The following MAGI2 variants were observed in gnomAD, a reference collection of about 807,000 sequenced individuals.
The protein encoded by MAGI2 is membrane-associated guanylate kinase, WW and PDZ domain-containing protein 2.
In MAGI2, 35 loss-of-function variants were observed where a neutral mutation model predicts 133.3. The ratio of observed to expected loss-of-function variants is 0.26; its 90% confidence interval spans 0.20 to 0.35. MAGI2 has a LOEUF of 0.35. Among genes scored for constraint, MAGI2 ranks in the 10% least tolerant of loss-of-function variants. The pLI is 1.00. For missense variants in MAGI2, 1,636 were observed against 1,863.4 expected (o/e 0.88, Z 2.25); for synonymous variants, 729 against 710.6 (o/e 1.03, Z -0.41).
chr7:78,313,108 T>C (rs1362251029), intron 9 of MAGI2, among the ~76,000 whole-genome samples: 1 of 152,014 alleles, frequency 6.6e-6, no homozygotes, highest in Non-Finnish European at 1.5e-5. Context: ...AGTCAAATAC[T>C]ACATGTTCTG....
intron 3 of MAGI2, among the ~76,000 whole-genome samples, chr7:78,582,319 G>T (rs1040636407): frequency 5.3e-5 from 8 of 152,156 alleles, no homozygotes; most frequent in Non-Finnish European, 1.2e-4. Flanking sequence ...AACATCTGTG[G>T]TTGAAAAACA....
chr7:78,778,085 AT>A (rs543159223), intron 2 of MAGI2, among the ~76,000 whole-genome samples: 3 of 152,282 alleles, frequency 2.0e-5, no homozygotes, highest in Admixed American at 2.0e-4. Flanking sequence ...CCCAGTTTTG[AT>A]TTCTGCAAGC....
At chr7:78,555,286 G>T (rs1214991371) in intron 3 of MAGI2, among the ~76,000 whole-genome samples, 1 of 151,980 alleles carries the variant, frequency 6.6e-6, no homozygotes, top group Non-Finnish European at 1.5e-5. Context: ...TCCTTATGAA[G>T]GCTTCCATGT....
chr7:79,300,307 C>G (rs1837294587), intron 1 of MAGI2, among the ~76,000 whole-genome samples: 2 of 152,276 alleles, frequency 1.3e-5, no homozygotes, highest in South Asian at 4.1e-4. Flanking sequence ...ACAGTGAAGT[C>G]TGGATTGCTG....
At chr7:79,445,843 G>T (rs916871216) in intron 1 of MAGI2, among the ~76,000 whole-genome samples, 3 of 152,194 alleles carry the variant, frequency 2.0e-5, no homozygotes, top group Admixed American at 6.5e-5. Context: ...TATAAGTCAT[G>T]CTTCTATAAA....
intron 3 of MAGI2, among the ~76,000 whole-genome samples, chr7:78,553,888 G>T (rs549356596): frequency 6.6e-6 from 1 of 152,158 alleles, no homozygotes. Flanking sequence ...AGTAGGGCCC[G>T]GGGTAGTGGA....
chr7:78,872,142 A>T (rs1199345069), intron 2 of MAGI2, among the ~76,000 whole-genome samples: 1 of 151,562 alleles, frequency 6.6e-6, no homozygotes, highest in East Asian at 1.9e-4. Flanking sequence ...TCAAAGGGCA[A>T]TTTTTTTCTC....
chr7:78,235,745 A>G (rs1472066995), intron 10 of MAGI2, among the ~76,000 whole-genome samples: 2 of 136,428 alleles, frequency 1.5e-5, no homozygotes, highest in Non-Finnish European at 3.4e-5. Context: ...ACAGACTAAT[A>G]CTCTATTTTT....
intron 2 of MAGI2, among the ~76,000 whole-genome samples, chr7:78,763,396 T>G (rs892466846): frequency 1.3e-5 from 2 of 152,228 alleles, no homozygotes; most frequent in Admixed American, 1.3e-4. Context: ...CAGCTTCTTT[T>G]CACGTTTTCA....
chr7:78,474,745 C>T (rs148379535), intron 6 of MAGI2, among the ~76,000 whole-genome samples: 3 of 151,562 alleles, frequency 2.0e-5, no homozygotes, highest in Non-Finnish European at 4.4e-5. Context: ...TGAAAACTTC[C>T]CCACATAAAG....
intron 2 of MAGI2, among the ~76,000 whole-genome samples, chr7:78,857,873 C>T (rs945426326): frequency 5.9e-5 from 9 of 152,078 alleles, no homozygotes; most frequent in Admixed American, 1.3e-4. Flanking sequence ...ACTGTGATTC[C>T]GTCTGGTCCT....
chr7:78,291,870 C>T (rs1054787057), intron 9 of MAGI2, among the ~76,000 whole-genome samples: 1 of 152,016 alleles, frequency 6.6e-6, no homozygotes, highest in African/African-American at 2.4e-5. Flanking sequence ...AGGCCTTCAA[C>T]AAAATTCAAC....
intron 2 of MAGI2, among the ~76,000 whole-genome samples, chr7:78,706,455 T>A (rs59415117): frequency 6.2e-4 from 95 of 152,242 alleles, no homozygotes; most frequent in African/African-American, 2.1e-3. Context: ...TATGTCTTTA[T>A]CAGCAGTGTG....
chr7:79,374,971 G>A (rs1369136591), intron 1 of MAGI2, among the ~76,000 whole-genome samples: 1 of 151,864 alleles, frequency 6.6e-6, no homozygotes, highest in Admixed American at 6.6e-5. Context: ...AAATGGCCAT[G>A]TCTGCTGAGT....
At chr7:78,673,052 T>TC (rs1277933500) in intron 2 of MAGI2, among the ~76,000 whole-genome samples, 1 of 152,202 alleles carries the variant, frequency 6.6e-6, no homozygotes, top group Admixed American at 6.6e-5. Flanking sequence ...ATGTTTCTTT[T>TC]CATCTTTTAT....
At chr7:78,718,324 T>C (rs1007865502) in intron 2 of MAGI2, among the ~76,000 whole-genome samples, 5 of 152,184 alleles carry the variant, frequency 3.3e-5, no homozygotes, top group African/African-American at 1.2e-4. Flanking sequence ...CTTTGTCCTC[T>C]AGACCAGGGG....
At chr7:79,354,628 A>G (rs772840361) in intron 1 of MAGI2, among the ~76,000 whole-genome samples, 21 of 152,096 alleles carry the variant, frequency 1.4e-4, no homozygotes, top group Non-Finnish European at 1.9e-4. Flanking sequence ...CCTCTGTCCA[A>G]TAAGAGAGGT....
intron 14 of MAGI2, among the ~76,000 whole-genome samples, chr7:78,169,294 G>C (rs968727986): frequency 6.6e-6 from 1 of 152,152 alleles, no homozygotes; most frequent in Non-Finnish European, 1.5e-5. Flanking sequence ...TTTGCCAGTG[G>C]CTTAGCCACA....
chr7:78,228,824 G>A (rs887838133), intron 10 of MAGI2, among the ~76,000 whole-genome samples: 5 of 152,196 alleles, frequency 3.3e-5, no homozygotes, highest in Non-Finnish European at 5.9e-5. Flanking sequence ...GAAAACCTTT[G>A]TAGCTGAGGC....
Sources: gnomAD v4.1 joint callset for allele counts (sites outside exome capture counted in the v4.1 genomes callset) on GRCh38, gnomAD v4.1.1 for gene constraint, MANE v1.5 for transcripts, NCBI Gene and HGNC (gene_info 2026-07-23, HGNC 2026-07-21) for gene names.